Variants in PTPRM observed in about 807,000 individuals in gnomAD.
The protein encoded by PTPRM is receptor-type tyrosine-protein phosphatase mu.
In PTPRM, 47 loss-of-function variants were observed where a neutral mutation model predicts 186.7. The ratio of observed to expected loss-of-function variants is 0.25; its 90% CI spans 0.20 to 0.32. The LOEUF is 0.32. PTPRM is among the 10% of genes least tolerant of loss of function. PTPRM has a pLI of 1.00. For synonymous variants in PTPRM, 668 were observed against 674.9 expected, an observed-to-expected ratio of 0.99 and a Z score of 0.16; for missense variants, 1,494 against 1,865.0, an observed-to-expected ratio of 0.80 and a Z score of 3.66.
At chr18:7,788,127 A>G (rs1029005495) in intron 2 of PTPRM, among the ~76,000 whole-genome samples, 1 of 152,184 alleles carries the variant, frequency 6.6e-6, no homozygotes, top group African/African-American at 2.4e-5. Flanking sequence ...AGAAGTTGAG[A>G]AGGAAAAGAA....
chr18:8,376,795 G>T, intron 26 of PTPRM, 198 bp downstream of exon 26: 1 of 631,880 alleles, frequency 1.6e-6, no homozygotes, highest in Non-Finnish European at 2.4e-6. Flanking sequence ...ACAAACCCAG[G>T]AGTTTTCCAG....
At chr18:8,038,644 G>A (rs997660568) in intron 7 of PTPRM, among the ~76,000 whole-genome samples, 1 of 152,060 alleles carries the variant, frequency 6.6e-6, no homozygotes, top group Non-Finnish European at 1.5e-5. Flanking sequence ...CACCCACCTC[G>A]GACTTTCAAA....
intron 15 of PTPRM, among the ~76,000 whole-genome samples, chr18:8,247,090 T>C (rs551657313): frequency 2.9e-4 from 38 of 132,862 alleles, no homozygotes; most frequent in African/African-American, 1.0e-3. Flanking sequence ...CACTAATCAA[T>C]TAATACATTT....
chr18:7,942,246 GCATTCCAGC>G (rs1325592498), intron 5 of PTPRM, among the ~76,000 whole-genome samples: 2 of 149,124 alleles, frequency 1.3e-5, no homozygotes, highest in Non-Finnish European at 3.0e-5. Flanking sequence ...TCGAGCTGCT[GCATTCCAGC>G]CTGGGTGGCA....
chr18:7,812,934 A>G (rs1405394571), intron 2 of PTPRM, among the ~76,000 whole-genome samples: 1 of 152,176 alleles, frequency 6.6e-6, no homozygotes, highest in East Asian at 1.9e-4. Flanking sequence ...CGAAGCACAG[A>G]AGCACAGAAC....
chr18:8,225,829 G>T (rs2094207262), intron 14 of PTPRM, among the ~76,000 whole-genome samples: 1 of 152,154 alleles, frequency 6.6e-6, no homozygotes, highest in African/African-American at 2.4e-5. Context: ...TATACCAAAA[G>T]ATAACCATAA....
At chr18:7,740,658 G>A (rs2040867667) in intron 1 of PTPRM, among the ~76,000 whole-genome samples, 2 of 152,292 alleles carry the variant, frequency 1.3e-5, no homozygotes, top group South Asian at 2.1e-4. Context: ...GGCCTCAAGT[G>A]ATCCTCCTGT....
At chr18:8,370,162 C>T (rs1026793893) in intron 23 of PTPRM, among the ~76,000 whole-genome samples, 8 of 140,752 alleles carry the variant, frequency 5.7e-5, no homozygotes, top group Admixed American at 5.3e-4. Flanking sequence ...GCTCTCCTCT[C>T]GTTGATGTCT....
At chr18:8,115,042 GAAGCT>G (rs145754549) in intron 13 of PTPRM, among the ~76,000 whole-genome samples, 3,247 of 152,074 alleles carry the variant, frequency 0.021, 104 homozygotes, top group African/African-American at 0.075. Context: ...TTTAAAATAA[GAAGCT>G]ATATTTCTGT....
intron 7 of PTPRM, among the ~76,000 whole-genome samples, chr18:7,988,575 C>T (rs1342072128): frequency 6.6e-6 from 1 of 152,156 alleles, no homozygotes; most frequent in African/African-American, 2.4e-5. Flanking sequence ...CTCCTCCCCT[C>T]CACCTAGTCC....
chr18:8,176,079 T>C (rs2093476369), intron 14 of PTPRM, among the ~76,000 whole-genome samples: 2 of 152,228 alleles, frequency 1.3e-5, no homozygotes, highest in African/African-American at 2.4e-5. Context: ...ATTAAAGATT[T>C]AGTCCATCTA....
intron 7 of PTPRM, among the ~76,000 whole-genome samples, chr18:8,045,540 G>A (rs2086988627): frequency 6.6e-6 from 1 of 152,170 alleles, no homozygotes; most frequent in Non-Finnish European, 1.5e-5. Context: ...TGGGAACATT[G>A]TGCTGAGTAA....
intron 2 of PTPRM, among the ~76,000 whole-genome samples, chr18:7,794,458 G>A (rs1269485739): frequency 4.6e-5 from 7 of 152,054 alleles, no homozygotes; most frequent in Non-Finnish European, 8.8e-5. Context: ...AACCATTCCC[G>A]TTTCATTATG....
intron 8 of PTPRM, among the ~76,000 whole-genome samples, chr18:8,073,681 G>A (rs902357616): frequency 6.6e-6 from 1 of 152,132 alleles, no homozygotes; most frequent in African/African-American, 2.4e-5. Context: ...CACAGGAGGG[G>A]ACCACTTGAG....
intron 14 of PTPRM, among the ~76,000 whole-genome samples, chr18:8,147,732 A>C (rs770677450): frequency 6.6e-6 from 1 of 152,142 alleles, no homozygotes; most frequent in South Asian, 2.1e-4. Flanking sequence ...CCAGTTTTTA[A>C]AGGGAGTGCT....
intron 2 of PTPRM, among the ~76,000 whole-genome samples, chr18:7,860,204 T>C (rs1599113988): frequency 6.6e-6 from 1 of 151,884 alleles, no homozygotes. Context: ...TCCCAAGTAG[T>C]TGGGATTACA....
chr18:8,276,483 G>C lies in PTPRM; in HGVS notation c.2755-19885G>C, dbSNP rs1403870421. Among the ~76,000 whole-genome samples, 4 of 152,176 alleles carry C rather than the reference G, an allele frequency of 2.6e-5. No homozygotes were observed. In the South Asian group the frequency reaches 6.2e-4, roughly 24 times the overall value. Reference sequence around the variant, plus strand: ...GTACCAGGTAGTGGACTTCCTCGTGGTGGTGGGAAGAGAAATCAATATTTT... The same window carrying C: ...GTACCAGGTAGTGGACTTCCTCGTGCTGGTGGGAAGAGAAATCAATATTTT... On this transcript the variant is annotated intron_variant, in intron 19 of 32. Transcript: ENST00000580170.
In PTPRM at chr18:7,725,117, T is replaced by A. The variant is rs117633911; in HGVS notation, c.74-49032T>A. 8.5e-3 allele frequency among the ~76,000 whole-genome samples: 1,292 copies of A among 152,340 alleles called. 15 individuals are homozygous for A. The highest frequency in any genetic ancestry group is 0.012 in the Non-Finnish European group (836 of 68,030). The stretch of plus-strand genomic sequence containing the variant: ...ATTCACCACATCTAAATGATGGACA[T>A]CTAAATGATGGACTGTCATATTTAT... On this transcript the variant is annotated intron_variant, in intron 1 of 32. Coordinates refer to ENST00000580170, the MANE Select transcript of PTPRM (RefSeq NM_001105244.2).
intron 5 of PTPRM, among the ~76,000 whole-genome samples, chr18:7,931,906 T>C (rs1159101464): frequency 6.6e-6 from 1 of 152,196 alleles, no homozygotes; most frequent in Non-Finnish European, 1.5e-5. Context: ...CAAAGCTAGC[T>C]AGTGTTTATG....
Sources: allele counts gnomAD v4.1 joint callset (sites outside exome capture counted in the v4.1 genomes callset), GRCh38; gene constraint gnomAD v4.1.1; transcripts MANE v1.5; gene names NCBI Gene and HGNC (gene_info 2026-07-23, HGNC 2026-07-21).